CACNA1B: variants seen among roughly 807,000 people sequenced by gnomAD.
The protein encoded by CACNA1B is voltage-dependent N-type calcium channel subunit alpha-1B.
A neutral mutation model predicts 247.2 loss-of-function variants in CACNA1B; 70 were observed. The observed-to-expected ratio is 0.28, with a 90% confidence interval of 0.23 to 0.35. The LOEUF is 0.35. Among genes scored for constraint, CACNA1B ranks in the 10% least tolerant of loss-of-function variants. CACNA1B has a pLI of 1.00. For synonymous variants in CACNA1B, 1,231 were observed against 1,294.4 expected (o/e 0.95, Z 1.05); for missense variants, 2,367 against 3,197.4 (o/e 0.74, Z 6.26).
intron 39 of CACNA1B, among the ~76,000 whole-genome samples, chr9:138,109,470 C>T (rs1382645454): frequency 6.6e-6 from 1 of 152,190 alleles, no homozygotes; most frequent in Non-Finnish European, 1.5e-5. Context: ...CAGCCATGGT[C>T]CTGCTGTGTC....
At chr9:138,085,722 GA>G (rs1960672501) in intron 36 of CACNA1B, among the ~76,000 whole-genome samples, 1 of 151,332 alleles carries the variant, frequency 6.6e-6, no homozygotes, top group Non-Finnish European at 1.5e-5. Context: ...GGAGAGAATG[GA>G]ATGGAATGGT....
chr9:137,932,124 G>T (rs1206634694), intron 6 of CACNA1B, among the ~76,000 whole-genome samples: 1 of 152,210 alleles, frequency 6.6e-6, no homozygotes, highest in Non-Finnish European at 1.5e-5. Context: ...CAAGGAGTCT[G>T]TCTGATTTTG....
rs1468256173 is a variant in CACNA1B, at chr9:138,121,695, T to C, written c.6716T>C (p.Leu2239Pro). Residue 2239 changes from leucine to proline, a missense_variant, in exon 47 of 47, where the codon CTG becomes CCG. By Grantham distance (98) the Leu-to-Pro change is moderately conservative. Around this residue, in one of 12 missense-constraint regions of CACNA1B, gnomAD observed 773 missense variants for 779.4 expected, o/e 0.99. Transcript: ENST00000371372. The surrounding 1 kb of genome is among the most constrained non-coding windows in gnomAD (Gnocchi z 6.8). ...SRGLSEHNAL[L>P]QRDPLSQPLA... ...GGGCTTTCCGAACACAACGCCCTGC[T>C]GCAGAGAGACCCCCTCAGCCAGCCC... is the stretch of plus-strand genomic sequence containing the variant. 2 of 1,613,358 alleles carry C rather than the reference T, an allele frequency of 1.2e-6. No individual in the cohort carries two copies. The highest frequency in any genetic ancestry group is 2.2e-5 in the South Asian group (2 of 91,076).
At chr9:137,922,915 G>A (rs1028743402) in intron 6 of CACNA1B, among the ~76,000 whole-genome samples, 1 of 152,128 alleles carries the variant, frequency 6.6e-6, no homozygotes, top group East Asian at 1.9e-4. Flanking sequence ...CTGCCCTTTT[G>A]TGGTCACACC....
chr9:138,076,093 T>C (rs761736506), intron 35 of CACNA1B, among the ~76,000 whole-genome samples, 183 bp downstream of exon 35: 1 of 152,150 alleles, frequency 6.6e-6, no homozygotes, highest in African/African-American at 2.4e-5. Flanking sequence ...TTCCAAAGGC[T>C]CTTGATATCT....
rs1471896508 is a variant in CACNA1B, at chr9:138,059,090, A to G, written c.4485A>G (p.Ala1495=). Residue 1495 remains alanine, a synonymous_variant, in exon 30 of 47, where the codon GCA becomes GCG. Transcript: ENST00000371372. The surrounding 1 kb of genome is among the most constrained non-coding windows in gnomAD (Gnocchi z 4.2). The part of the protein sequence containing the change: ...TVVLMMKFYD[A]PYEYELMLKC... ...TATTCCCCGGGCAGTTCTATGATGC[A>G]CCCTATGAGTACGAGCTGATGCTGA... 3 of 1,608,806 alleles carry G rather than the reference A, an allele frequency of 1.9e-6. No homozygotes were observed. Among genetic ancestry groups the G allele is most frequent in the Non-Finnish European group, 2.6e-6 (3 of 1,175,590 alleles).
intron 5 of CACNA1B, among the ~76,000 whole-genome samples, chr9:137,916,228 T>C (rs983311099): frequency 6.6e-6 from 1 of 152,100 alleles, no homozygotes; most frequent in African/African-American, 2.4e-5. Flanking sequence ...AGACAGGGTT[T>C]CACCATGTTG....
intron 18 of CACNA1B, among the ~76,000 whole-genome samples, chr9:138,013,591 A>G (rs1207826473): frequency 2.6e-5 from 4 of 152,218 alleles, no homozygotes; most frequent in Non-Finnish European, 4.4e-5. Context: ...ACAGCTTTTC[A>G]GAAATTTATT....
rs1957456080 is a variant in CACNA1B at position 137,919,753 on chromosome 9, G to C, written c.966+2322G>C. The stretch of plus-strand genomic sequence containing the variant: ...AGCTCAGTCCGTGTTGGGAGCAGGA[G>C]TGGGGGTGTGAGCAACAGCGGGCAG... On this transcript the variant is annotated intron_variant, in intron 6 of 46. Coordinates refer to ENST00000371372, the MANE Select transcript of CACNA1B (RefSeq NM_000718.4). This position sits in a 1 kb window ranked among gnomAD's most constrained non-coding sequence, Gnocchi z 4.6. Among the ~76,000 whole-genome samples the C allele has an allele frequency of 6.6e-6, 1 of 152,262 alleles. No homozygotes were observed. Among genetic ancestry groups the C allele is most frequent in the Non-Finnish European group, 1.5e-5 (1 of 68,048 alleles).
Position 138,054,072 on chromosome 9 carries a change from C to G in CACNA1B, c.3968+66C>G. ...TGATGCAGACAACACTGGGAGTTCC[C>G]TTGGGACCAGGTGGAGCTGGTCACA... is the stretch of plus-strand genomic sequence containing the variant. On this transcript the variant is annotated intron_variant, in intron 26 of 46. Coordinates refer to ENST00000371372, the MANE Select transcript of CACNA1B (RefSeq NM_000718.4). This position sits in a 1 kb window ranked among gnomAD's most constrained non-coding sequence, Gnocchi z 4.6. 1 of 1,488,468 alleles carries G rather than the reference C, an allele frequency of 6.7e-7. No homozygotes were observed. The highest frequency in any genetic ancestry group is 9.3e-7 in the Non-Finnish European group (1 of 1,069,658). 92.2% of individuals were successfully genotyped at this position (1,488,468 alleles called of 1,614,324 possible).
At chr9:137,992,094 A>G (rs1211708799) in intron 15 of CACNA1B, among the ~76,000 whole-genome samples, 1 of 152,248 alleles carries the variant, frequency 6.6e-6, no homozygotes, top group Admixed American at 6.5e-5. Context: ...TCACATCTCA[A>G]TATTAATGTT....
chr9:137,914,639 C>A lies in CACNA1B; in HGVS notation c.623-15C>A. The A allele has an allele frequency of 1.2e-6, 2 of 1,612,786 alleles. No homozygotes were observed. Among genetic ancestry groups the A allele is most frequent in the Admixed American group, 3.3e-5 (2 of 59,934 alleles). On this transcript the variant is annotated splice_polypyrimidine_tract_variant and intron_variant, in intron 4 of 46. Coordinates refer to ENST00000371372, the MANE Select transcript of CACNA1B (RefSeq NM_000718.4). This position sits in a 1 kb window ranked among gnomAD's most constrained non-coding sequence, Gnocchi z 4.3. ...TGCCCACGTTGCTTCCTGACCTGCC[C>A]TGTTCTGGCCCCAGGTTTGCAGGTG... is the stretch of plus-strand genomic sequence containing the variant.
chr9:137,879,834 G>A (rs923948446), intron 2 of CACNA1B, among the ~76,000 whole-genome samples: 1 of 152,174 alleles, frequency 6.6e-6, no homozygotes, highest in Non-Finnish European at 1.5e-5. Flanking sequence ...GGAGGGGCTG[G>A]GTCAGAGGAA....
chr9:137,920,259 C>T (rs981188603), intron 6 of CACNA1B, among the ~76,000 whole-genome samples: 5 of 152,082 alleles, frequency 3.3e-5, no homozygotes, highest in Non-Finnish European at 7.4e-5. Flanking sequence ...TGCGATGGCA[C>T]GATTTTGGCT....
intron 18 of CACNA1B, among the ~76,000 whole-genome samples, chr9:138,022,771 G>A (rs1052302446): frequency 6.6e-6 from 1 of 151,180 alleles, no homozygotes; most frequent in Admixed American, 6.6e-5. Flanking sequence ...CTGACAGGCT[G>A]GTGCTTTCAC....
chr9:137,995,273 A>G (rs1190790806), intron 15 of CACNA1B, among the ~76,000 whole-genome samples: 1 of 152,098 alleles, frequency 6.6e-6, no homozygotes, highest in African/African-American at 2.4e-5. Context: ...ACATTACCCA[A>G]CTTCAAACTA....
rs540178714 is a variant in CACNA1B, at chr9:138,109,749, G to A, written c.5429-2649G>A. ...CTTGAAATGGATTGTAGACAGAAAC[G>A]TAAAATCTAAAATTATGAAACCTGT... On this transcript the variant is annotated intron_variant, in intron 39 of 46. Transcript: ENST00000371372. Among the ~76,000 whole-genome samples the A allele has an allele frequency of 5.3e-5, 8 of 152,310 alleles. No individual in the cohort carries two copies. The South Asian group carries it at 1.2e-3, about 24-fold the overall frequency.
At chr9:138,002,877 T>C (rs1958596130) in intron 15 of CACNA1B, among the ~76,000 whole-genome samples, 1 of 151,448 alleles carries the variant, frequency 6.6e-6, no homozygotes, top group Non-Finnish European at 1.5e-5. Context: ...CTTGGTTCAC[T>C]GTAACCTCCG....
rs568997253 is a variant in CACNA1B, at chr9:138,008,316, A to G, written c.2092+1432A>G. Among the ~76,000 whole-genome samples the G allele has an allele frequency of 1.0e-3, 155 of 152,346 alleles. 1 individual carries two copies. Among genetic ancestry groups the G allele is most frequent in the Non-Finnish European group, 3.1e-4 (21 of 68,028 alleles). ...TGAGTCTGACCCTGACACTGAGGCC[A>G]GGCATGCTGGCCACGAGCGTCCCCC... On this transcript the variant is annotated intron_variant, in intron 16 of 46. Coordinates refer to ENST00000371372, the MANE Select transcript of CACNA1B (RefSeq NM_000718.4).
Sources: allele counts gnomAD v4.1 joint callset (sites outside exome capture counted in the v4.1 genomes callset), GRCh38; gene constraint gnomAD v4.1.1; regional missense constraint gnomAD v4.1.1; non-coding constraint Gnocchi (gnomAD v3.1); transcripts MANE v1.5; gene names NCBI Gene and HGNC (gene_info 2026-07-23, HGNC 2026-07-21).